Variants in CSNK1A1 observed in about 807,000 individuals in gnomAD.
CSNK1A1 encodes casein kinase I isoform alpha.
A neutral mutation model predicts 46.1 loss-of-function variants in CSNK1A1; 7 were observed. The observed-to-expected ratio is 0.15, with a 90% CI of 0.09 to 0.29. The LOEUF (loss-of-function observed/expected upper bound fraction) is 0.29, where lower values mean the gene tolerates loss of function less well. Ranked by LOEUF, CSNK1A1 falls within the 10% of genes least tolerant of loss-of-function variation. The pLI is 1.00. For missense variants in CSNK1A1, 96 were observed against 417.1 expected, an observed-to-expected ratio of 0.23 and a Z score of 6.71; for synonymous variants, 137 against 141.5, an observed-to-expected ratio of 0.97 and a Z score of 0.23.
chr5:149,540,023 A>T (rs1762180067), intron 2 of CSNK1A1, among the ~76,000 whole-genome samples: 1 of 152,234 alleles, frequency 6.6e-6, no homozygotes, highest in African/African-American at 2.4e-5. Context: ...AAAAGTACTT[A>T]TCAACATTAC....
intron 2 of CSNK1A1, among the ~76,000 whole-genome samples, chr5:149,538,460 C>A (rs1426930372): frequency 1.3e-5 from 2 of 152,168 alleles, no homozygotes; most frequent in Non-Finnish European, 2.9e-5. Context: ...CTCAAACTAT[C>A]AGAGCTCTCG....
At position 149,497,163 on chromosome 5, in the gene CSNK1A1, C is replaced by A. The variant is rs12055320; in HGVS notation, c.1007-303G>T. 6.9e-3 allele frequency: 7,811 copies of A among 1,124,748 alleles called. 837 individuals carry two copies. In the East Asian group the frequency reaches 0.28, roughly 41 times the overall value. The allele number at this position is 1,124,748 out of a possible 1,614,324, so 69.7% of individuals were successfully genotyped here. ...GCATGTTTCTGCATTTTTACATATGCAGAACATATTAGGCATTCACATATT... is the reference window on the plus strand; with the variant it reads ...GCATGTTTCTGCATTTTTACATATGAAGAACATATTAGGCATTCACATATT... On this transcript the variant is annotated intron_variant, in intron 9 of 9. Coordinates refer to ENST00000377843, the MANE Select transcript of CSNK1A1 (RefSeq NM_001892.6).
chr5:149,544,758 T>TATATATATATATATATATATATACACAC (rs150989849), intron 2 of CSNK1A1, among the ~76,000 whole-genome samples: 12 of 129,262 alleles, frequency 9.3e-5, no homozygotes, highest in African/African-American at 3.5e-4. Context: ...TATATATATA[T>TATATATATATATATATATATATACACAC]ATATATAGTT....
rs113903691 is a variant in CSNK1A1, at chr5:149,500,948, GTT to G, written c.1007-4090_1007-4089del. On this transcript the variant is annotated intron_variant, in intron 9 of 9. Coordinates refer to ENST00000377843, the MANE Select transcript of CSNK1A1 (RefSeq NM_001892.6). Reference sequence around the variant, plus strand: ...ACTGCATTAAAAAACAGACTGAATTGTTTTGTCTTCCTTATAACAGAATTCAT... The same window carrying G: ...ACTGCATTAAAAAACAGACTGAATTGTTGTCTTCCTTATAACAGAATTCAT... The G allele has an allele frequency of 1.9e-4, 187 of 983,922 alleles. 3 individuals carry two copies. The African/African-American group carries it at 2.7e-3, about 14-fold the overall frequency. The allele number at this position is 983,922 out of a possible 1,614,324, so 60.9% of individuals were successfully genotyped here.
At chr5:149,543,486 G>GTT (rs1554117935) in intron 2 of CSNK1A1, among the ~76,000 whole-genome samples, 1 of 147,638 alleles carries the variant, frequency 6.8e-6, no homozygotes, top group Non-Finnish European at 1.5e-5. Context: ...ACGTTTTTCT[G>GTT]GTTTTTTTTT....
At chr5:149,548,947 G>C (rs1285879623) in intron 2 of CSNK1A1, among the ~76,000 whole-genome samples, 1 of 152,142 alleles carries the variant, frequency 6.6e-6, no homozygotes, top group East Asian at 1.9e-4. Context: ...GAAAATAGCT[G>C]GGCTTTAAAC....
intron 9 of CSNK1A1, chr5:149,504,538 G>T (rs781501634): frequency 2.6e-4 from 259 of 985,362 alleles, no homozygotes; most frequent in Non-Finnish European, 3.1e-4. Context: ...AATGGGAAAA[G>T]AAAGACAAAA....
intron 8 of CSNK1A1, 98 bp from the exon 9 acceptor site, chr5:149,505,693 A>G (rs1260255206): frequency 1.0e-6 from 1 of 976,692 alleles, no homozygotes; most frequent in Non-Finnish European, 1.5e-6. Flanking sequence ...TTCTTTACAC[A>G]ACGAATATTT....
rs1762653758 is a variant in CSNK1A1 at position 149,551,336 on chromosome 5, C to G, written c.-372G>C. On this transcript the variant is annotated 5_prime_UTR_variant, in exon 1 of 10. Transcript: ENST00000377843. ...CCGCCGGCTCCGGCCCAGAGGGACC[C>G]CTGTCACTCCGCGGACGACGCCATC... 4.8e-6 allele frequency: 1 copy of G among 210,298 alleles called. No homozygotes were observed. The highest frequency in any genetic ancestry group is 5.6e-5 in the Admixed American group (1 of 17,966). The allele number at this position is 210,298 out of a possible 1,614,324, so 13.0% of individuals were successfully genotyped here. A position where few individuals can be genotyped will look rare whatever the true frequency, so the allele number is the denominator to read the frequency against.
intron 8 of CSNK1A1, 69 bp downstream of exon 8, chr5:149,506,958 A>C (rs1006607208): frequency 2.6e-6 from 3 of 1,161,420 alleles, no homozygotes; most frequent in African/African-American, 3.1e-5. Flanking sequence ...TATCAGAATG[A>C]ATTTGTTAGG....
Position 149,523,874 on chromosome 5 carries a change from A to G in CSNK1A1, c.357+1171T>C, listed in dbSNP as rs528320184. On this transcript the variant is annotated intron_variant, in intron 3 of 9. Coordinates refer to ENST00000377843, the MANE Select transcript of CSNK1A1 (RefSeq NM_001892.6). Reference sequence around the variant, plus strand: ...AATAAACGATAAGCTATTGTTAACTATAATTTCCCTACTATACTATGTAAT... The same window carrying G: ...AATAAACGATAAGCTATTGTTAACTGTAATTTCCCTACTATACTATGTAAT... Among the ~76,000 whole-genome samples the G allele has an allele frequency of 2.9e-4, 44 of 152,300 alleles. 2 individuals carry two copies. The South Asian group carries it at 8.3e-3, about 29-fold the overall frequency.
chr5:149,498,919 T>C (rs755337433), intron 9 of CSNK1A1: 100 of 985,404 alleles, frequency 1.0e-4, no homozygotes, highest in African/African-American at 1.6e-4. Context: ...ATCTGAGGAA[T>C]TGCTGAGTCA....
intron 4 of CSNK1A1, among the ~76,000 whole-genome samples, chr5:149,514,736 C>A (rs1331138958): frequency 6.6e-6 from 1 of 152,162 alleles, no homozygotes; most frequent in Non-Finnish European, 1.5e-5. Flanking sequence ...TTCAGCCAAG[C>A]ATTATAACCT....
intron 9 of CSNK1A1, chr5:149,502,341 T>G: frequency 1.0e-6 from 1 of 968,762 alleles, no homozygotes; most frequent in Non-Finnish European, 1.2e-6. Context: ...AAAAGCACCT[T>G]CTAAAAATTC....
intron 5 of CSNK1A1, among the ~76,000 whole-genome samples, chr5:149,512,638 G>A (rs934339148): frequency 4.6e-5 from 7 of 152,138 alleles, no homozygotes; most frequent in Non-Finnish European, 1.0e-4. Context: ...AAGTATAACA[G>A]GAGATGGTCC....
Position 149,517,949 on chromosome 5 carries a change from A to G in CSNK1A1, c.456+2341T>C. On this transcript the variant is annotated intron_variant, in intron 4 of 9. Transcript: ENST00000377843. This position sits in a 1 kb window ranked among gnomAD's most constrained non-coding sequence, Gnocchi z 4.4. ...CATTGCAACAATGGCCGGCGCAGACAGGCAACACCGAGGCATTAGAGAAAG... is the reference window on the plus strand; with the variant it reads ...CATTGCAACAATGGCCGGCGCAGACGGGCAACACCGAGGCATTAGAGAAAG... The G allele has an allele frequency of 2.2e-6, 2 of 918,990 alleles. No homozygotes were observed. Among genetic ancestry groups the G allele is most frequent in the South Asian group, 1.4e-5 (1 of 70,880 alleles). The allele number at this position is 918,990 out of a possible 1,614,324, so 56.9% of individuals were successfully genotyped here.
intron 2 of CSNK1A1, among the ~76,000 whole-genome samples, chr5:149,538,992 G>A (rs1392893721): frequency 6.6e-6 from 1 of 151,626 alleles, no homozygotes; most frequent in Non-Finnish European, 1.5e-5. Context: ...TTTCATTATT[G>A]TACTTGGCAC....
At position 149,502,048 on chromosome 5, in the gene CSNK1A1, T is replaced by A. The variant is rs369034371; in HGVS notation, c.1006+3399A>T. ...AGTATTTGAAAAGATCTAAAGAATA[T>A]AAGGAAGGCAGAAGTCTGCCTATTA... On this transcript the variant is annotated intron_variant, in intron 9 of 9. Transcript: ENST00000377843. 21 of 983,254 alleles carry A rather than the reference T, an allele frequency of 2.1e-5. 1 individual carries two copies. In the East Asian group the frequency reaches 9.1e-4, roughly 43 times the overall value. The allele number at this position is 983,254 out of a possible 1,614,324, so 60.9% of individuals were successfully genotyped here. A position where few individuals can be genotyped will look rare whatever the true frequency, so the allele number is the denominator to read the frequency against.
chr5:149,513,290 T>C (rs965372699), intron 4 of CSNK1A1, 81 bp from the exon 5 acceptor site: 125 of 1,284,166 alleles, frequency 9.7e-5, no homozygotes, highest in Non-Finnish European at 1.3e-4. Flanking sequence ...TGGTATCTAT[T>C]CTATGCATTC....
Sources: gnomAD v4.1 joint callset for allele counts (sites outside exome capture counted in the v4.1 genomes callset) on GRCh38, gnomAD v4.1.1 for gene constraint, Gnocchi (gnomAD v3.1) non-coding constraint, MANE v1.5 for transcripts, NCBI Gene and HGNC (gene_info 2026-07-23, HGNC 2026-07-21) for gene names.